GJB3: variants seen among roughly 807,000 people sequenced by gnomAD.
GJB3 encodes the protein gap junction protein beta 3, also known as gap junction beta-3 protein.
Under a neutral mutation model 8.1 loss-of-function variants are expected in GJB3, and 6 were observed. That is an observed-to-expected ratio of 0.75 (90% CI 0.41 to 1.47). The LOEUF is 1.47. Among genes scored for constraint, GJB3 ranks in the 40% most tolerant of loss-of-function variants. The pLI, the probability that GJB3 is intolerant of heterozygous loss-of-function variation, is 0.02. For missense variants in GJB3, 348 were observed against 365.6 expected, an observed-to-expected ratio of 0.95 and a Z score of 0.39; for synonymous variants, 137 against 156.4, an observed-to-expected ratio of 0.88 and a Z score of 0.93.
In GJB3 at chr1:34,785,221, G is replaced by A; in HGVS notation, c.459G>A (p.Trp153Ter). Residue 153 changes from tryptophan (W) to a stop codon, truncating the protein, a stop_gained, in exon 2 of 2, where the codon TGG becomes TGA. Coordinates refer to ENST00000373366, the MANE Select transcript of GJB3 (RefSeq NM_024009.3). LOFTEE classifies it low-confidence loss of function (END_TRUNC). The surrounding 1 kb of genome is among the most constrained non-coding windows in gnomAD (Gnocchi z 4.7). ...TCCTCTACCTGCTGCACACTCTCTG[G>A]CATGGCTTCAATATGCCGCGCCTGG... is the stretch of plus-strand genomic sequence containing the variant. ...FLFLYLLHTL[W>*]HGFNMPRLVQ... 1.2e-6 allele frequency: 2 copies of A among 1,614,058 alleles called. No individual in the cohort carries two copies. The highest frequency in any genetic ancestry group is 1.7e-6 in the Non-Finnish European group (2 of 1,180,014).
At chr1:34,782,004 C>T (rs1396823234) in intron 1 of GJB3, among the ~76,000 whole-genome samples, 2 of 152,186 alleles carry the variant, frequency 1.3e-5, no homozygotes, top group Non-Finnish European at 2.9e-5. Context: ...TTCCGAGACA[C>T]CCCCTCCCCA....
chr1:34,784,065 T>C (rs1640058039), intron 1 of GJB3, among the ~76,000 whole-genome samples: 1 of 152,172 alleles, frequency 6.6e-6, no homozygotes, highest in South Asian at 2.1e-4. Context: ...TTATTTCTCC[T>C]CTCTGAGCCT....
In GJB3 at chr1:34,784,919, T is replaced by C. The variant is rs1381331126; in HGVS notation, c.157T>C (p.Cys53Arg). ...GGGGGATGAGCAGAAGGACTTTGAC[T>C]GCAACACCAAGCAGCCCGGCTGCAC... ...VWGDEQKDFD[C>R]NTKQPGCTNV... The change falls in exon 2 of 2, where the codon TGC (cysteine) becomes CGC (arginine). Residue 53 changes from cysteine to arginine, a missense_variant. Cys to Arg is a radical substitution (Grantham distance 180). Coordinates refer to ENST00000373366, the MANE Select transcript of GJB3 (RefSeq NM_024009.3). 1.9e-6 allele frequency: 3 copies of C among 1,614,144 alleles called. No individual in the cohort carries two copies. Among genetic ancestry groups the C allele is most frequent in the South Asian group, 1.1e-5 (1 of 91,088 alleles).
Position 34,785,242 on chromosome 1 carries a change from C to T in GJB3, c.480C>T (p.Arg160=), listed in dbSNP as rs529118269. 8 of 1,614,106 alleles carry T rather than the reference C, an allele frequency of 5.0e-6. No homozygotes were observed. The South Asian group carries it at 8.8e-5, about 18-fold the overall frequency. The change falls in exon 2 of 2, where the codon CGC becomes CGT. Residue 160 remains arginine (R), a synonymous_variant. Coordinates refer to ENST00000373366, the MANE Select transcript of GJB3 (RefSeq NM_024009.3). The surrounding 1 kb of genome is among the most constrained non-coding windows in gnomAD (Gnocchi z 4.7). Reference sequence around the variant, plus strand: ...TCTGGCATGGCTTCAATATGCCGCGCCTGGTGCAGTGTGCCAACGTGGCCC... The same window carrying T: ...TCTGGCATGGCTTCAATATGCCGCGTCTGGTGCAGTGTGCCAACGTGGCCC... ...HTLWHGFNMP[R]LVQCANVAPC...
In GJB3 at chr1:34,785,825, C is replaced by T. The variant is rs116770182; in HGVS notation, c.*250C>T. On this transcript the variant is annotated 3_prime_UTR_variant, in exon 2 of 2. Coordinates refer to ENST00000373366, the MANE Select transcript of GJB3 (RefSeq NM_024009.3). The surrounding 1 kb of genome is among the most constrained non-coding windows in gnomAD (Gnocchi z 4.7). ...ACAAGCGAATTAACTATCTACGCTG[C>T]CTGCAAGGGGCCACTTAGGGCACTG... 3.5e-6 allele frequency: 2 copies of T among 564,864 alleles called. No homozygotes were observed. The highest frequency in any genetic ancestry group is 6.5e-6 in the Non-Finnish European group (2 of 306,472). 35.0% of individuals were successfully genotyped at this position (564,864 alleles called of 1,614,324 possible). A position where few individuals can be genotyped will look rare whatever the true frequency, so the allele number is the denominator to read the frequency against.
At chr1:34,782,410 A>G (rs913513483) in intron 1 of GJB3, 2 of 152,152 alleles carry the variant, frequency 1.3e-5, no homozygotes, top group African/African-American at 4.8e-5. Context: ...CAGGGCTCCA[A>G]CCTTCACTTC....
In GJB3 at chr1:34,781,894, G is replaced by C. The variant is rs1640016366; in HGVS notation, c.-26+116G>C. Reference sequence around the variant, plus strand: ...GAGCCTGCCAGTGCGCTGGGATGGGGCGCGAAGCGGGGGTGCGGGGAGCCC... The same window carrying C: ...GAGCCTGCCAGTGCGCTGGGATGGGCCGCGAAGCGGGGGTGCGGGGAGCCC... On this transcript the variant is annotated intron_variant, in intron 1 of 1. Coordinates refer to ENST00000373366, the MANE Select transcript of GJB3 (RefSeq NM_024009.3). The surrounding 1 kb of genome is among the most constrained non-coding windows in gnomAD (Gnocchi z 6.2). The C allele has an allele frequency of 6.6e-6, 1 of 152,276 alleles. No homozygotes were observed. The highest frequency in any genetic ancestry group is 1.5e-5 in the Non-Finnish European group (1 of 68,112). The allele number at this position is 152,276 out of a possible 1,614,324, so 9.4% of individuals were successfully genotyped here.
Position 34,785,347 on chromosome 1 carries a change from C to T in GJB3, c.585C>T (p.Ser195=), listed in dbSNP as rs567971388. 4 of 1,613,868 alleles carry T rather than the reference C, an allele frequency of 2.5e-6. No homozygotes were observed. The African/African-American group carries it at 5.3e-5, about 22-fold the overall frequency. ...TCACCTACTTCATGGTGGGCGCCTC[C>T]GCCGTCTGCATCGTACTCACCATCT... ...KIFTYFMVGA[S]AVCIVLTICE... Residue 195 remains serine, a synonymous_variant, in exon 2 of 2, where the codon TCC becomes TCT. Coordinates refer to ENST00000373366, the MANE Select transcript of GJB3 (RefSeq NM_024009.3). The surrounding 1 kb of genome is among the most constrained non-coding windows in gnomAD (Gnocchi z 4.7).
chr1:34,783,120 C>T (rs1483884502), intron 1 of GJB3, among the ~76,000 whole-genome samples: 2 of 152,094 alleles, frequency 1.3e-5, no homozygotes, highest in Admixed American at 6.5e-5. Context: ...TAGTGGTGTG[C>T]ACCTGTGGTC....
rs546531284 is a variant in GJB3 at position 34,784,870 on chromosome 1, C to T, written c.108C>T (p.Tyr36=). ...SVVFVFRVLV[Y]VVAAERVWGD... ...TGTTCGTCTTCCGGGTGCTGGTATA[C>T]GTGGTGGCTGCAGAGCGCGTGTGGG... The change falls in exon 2 of 2, where the codon TAC becomes TAT. Residue 36 remains tyrosine (Y), a synonymous_variant. Transcript: ENST00000373366. 8 of 1,614,174 alleles carry T rather than the reference C, an allele frequency of 5.0e-6. No individual in the cohort carries two copies. Among genetic ancestry groups the T allele is most frequent in the African/African-American group, 1.3e-5 (1 of 75,036 alleles).
Position 34,785,747 on chromosome 1 carries a change from G to A in GJB3, c.*172G>A, listed in dbSNP as rs1640104946. On this transcript the variant is annotated 3_prime_UTR_variant, in exon 2 of 2. Transcript: ENST00000373366. This position sits in a 1 kb window ranked among gnomAD's most constrained non-coding sequence, Gnocchi z 4.7. Reference sequence around the variant, plus strand: ...ACTGGGAACTGGGCTGTCTAGCCGGGTATAGGTAACCCACAGGCCCAGTGC... The same window carrying A: ...ACTGGGAACTGGGCTGTCTAGCCGGATATAGGTAACCCACAGGCCCAGTGC... The A allele has an allele frequency of 1.6e-6, 1 of 630,364 alleles. No individual in the cohort carries two copies. Among genetic ancestry groups the A allele is most frequent in the Non-Finnish European group, 2.9e-6 (1 of 346,240 alleles). The allele number at this position is 630,364 out of a possible 1,614,324, so 39.0% of individuals were successfully genotyped here.
In GJB3 at chr1:34,785,323, C is replaced by A; in HGVS notation, c.561C>A (p.Phe187Leu). 10 of 1,613,948 alleles carry A rather than the reference C, an allele frequency of 6.2e-6. No individual in the cohort carries two copies. Among genetic ancestry groups the A allele is most frequent in the Non-Finnish European group, 7.6e-6 (9 of 1,180,016 alleles). The change falls in exon 2 of 2, where the codon TTC becomes TTA. Residue 187 changes from phenylalanine to leucine, a missense_variant. Transcript: ENST00000373366. This position sits in a 1 kb window ranked among gnomAD's most constrained non-coding sequence, Gnocchi z 4.7. The part of the protein sequence containing the change: ...YIARPTEKKI[F>L]TYFMVGASAV... ...CCCGACCTACCGAGAAGAAAATCTTCACCTACTTCATGGTGGGCGCCTCCG... is the reference window on the plus strand; with the variant it reads ...CCCGACCTACCGAGAAGAAAATCTTAACCTACTTCATGGTGGGCGCCTCCG...
Position 34,785,696 on chromosome 1 carries a change from T to A in GJB3, c.*121T>A. ...CTCTGAGTTCACTAAGTTATGCAACTTTCGTTTTGGCAGATATTTTTTGAC... is the reference window on the plus strand; with the variant it reads ...CTCTGAGTTCACTAAGTTATGCAACATTCGTTTTGGCAGATATTTTTTGAC... On this transcript the variant is annotated 3_prime_UTR_variant, in exon 2 of 2. Coordinates refer to ENST00000373366, the MANE Select transcript of GJB3 (RefSeq NM_024009.3). The surrounding 1 kb of genome is among the most constrained non-coding windows in gnomAD (Gnocchi z 4.7). 1 of 805,588 alleles carries A rather than the reference T, an allele frequency of 1.2e-6. No homozygotes were observed. The highest frequency in any genetic ancestry group is 2.0e-6 in the Non-Finnish European group (1 of 493,720). 49.9% of individuals were successfully genotyped at this position (805,588 alleles called of 1,614,324 possible).
Position 34,785,068 on chromosome 1 carries a change from GC to G in GJB3, c.307del (p.Arg103AlafsTer165), listed in dbSNP as rs1557659581. On this transcript the variant is annotated frameshift_variant, in exon 2 of 2. Transcript: ENST00000373366. LOFTEE classifies it high-confidence loss of function. The surrounding 1 kb of genome is among the most constrained non-coding windows in gnomAD (Gnocchi z 4.7). Reference protein sequence around the residue: ...LHVAYREERERRHRQKHGDQC... With the variant: ...LHVAYREEREXRHRQKHGDQC... Reference sequence around the variant, plus strand: ...ACGTGGCCTACCGTGAGGAGCGGGAGCGCCGGCACCGCCAGAAACACGGGGA... The same window carrying G: ...ACGTGGCCTACCGTGAGGAGCGGGAGGCCGGCACCGCCAGAAACACGGGGA... The G allele has an allele frequency of 6.2e-7, 1 of 1,614,124 alleles. No individual in the cohort carries two copies. Among genetic ancestry groups the G allele is most frequent in the South Asian group, 1.1e-5 (1 of 91,086 alleles).
In GJB3 at chr1:34,784,778, C is replaced by T. The variant is rs368003170; in HGVS notation, c.16C>T (p.Leu6Phe). Residue 6 changes from leucine (L) to phenylalanine (F), a missense_variant, in exon 2 of 2, where the codon CTC becomes TTC. Coordinates refer to ENST00000373366, the MANE Select transcript of GJB3 (RefSeq NM_024009.3). Reference protein sequence around the residue: MDWKTLQALLSGVNKY... With the variant: MDWKTFQALLSGVNKY... Reference sequence around the variant, plus strand: ...ACCAGGCGCCATGGACTGGAAGACACTCCAGGCCCTACTGAGCGGTGTGAA... The same window carrying T: ...ACCAGGCGCCATGGACTGGAAGACATTCCAGGCCCTACTGAGCGGTGTGAA... 13 of 1,614,150 alleles carry T rather than the reference C, an allele frequency of 8.1e-6. No homozygotes were observed. Among genetic ancestry groups the T allele is most frequent in the Admixed American group, 3.3e-5 (2 of 60,020 alleles).
intron 1 of GJB3, among the ~76,000 whole-genome samples, chr1:34,782,622 C>T (rs1036649410): frequency 6.6e-6 from 1 of 152,146 alleles, no homozygotes; most frequent in Non-Finnish European, 1.5e-5. Context: ...TGCTATCCCA[C>T]TCCCTTCCCC....
rs529658360 is a variant in GJB3, at chr1:34,781,464, C to G, written c.-340C>G. On this transcript the variant is annotated 5_prime_UTR_variant, in exon 1 of 2. Coordinates refer to ENST00000373366, the MANE Select transcript of GJB3 (RefSeq NM_024009.3). This position sits in a 1 kb window ranked among gnomAD's most constrained non-coding sequence, Gnocchi z 6.2. ...TCGGACCTGCCGCCGCGGCACTTAACAGTTTGCAGAGTGCTTCCCGCCCCT... is the reference window on the plus strand; with the variant it reads ...TCGGACCTGCCGCCGCGGCACTTAAGAGTTTGCAGAGTGCTTCCCGCCCCT... 2 of 152,426 alleles carry G rather than the reference C, an allele frequency of 1.3e-5. No individual in the cohort carries two copies. Among genetic ancestry groups the G allele is most frequent in the South Asian group, 4.1e-4 (2 of 4,832 alleles). The allele number at this position is 152,426 out of a possible 1,614,324, so 9.4% of individuals were successfully genotyped here.
chr1:34,784,661 C>T (rs1640068644), intron 1 of GJB3, 77 bp from the exon 2 acceptor site: 2 of 946,264 alleles, frequency 2.1e-6, no homozygotes, highest in Non-Finnish European at 3.4e-6. Context: ...GAACTCAGAA[C>T]ACTGCCTGGT....
At position 34,785,548 on chromosome 1, in the gene GJB3, T is replaced by C. The variant is rs1445916135; in HGVS notation, c.786T>C (p.Ala262=). The C allele has an allele frequency of 1.2e-6, 2 of 1,614,050 alleles. No homozygotes were observed. Among genetic ancestry groups the C allele is most frequent in the Non-Finnish European group, 1.7e-6 (2 of 1,179,986 alleles). ...DPDPGNNKLQ[A]SAPNLTPI ...ACCCAGGCAATAACAAGCTGCAGGC[T>C]TCAGCACCCAACCTGACCCCCATCT... The change falls in exon 2 of 2, where the codon GCT becomes GCC. Residue 262 remains alanine, a synonymous_variant. Coordinates refer to ENST00000373366, the MANE Select transcript of GJB3 (RefSeq NM_024009.3). The surrounding 1 kb of genome is among the most constrained non-coding windows in gnomAD (Gnocchi z 4.7).
Sources: allele counts gnomAD v4.1 joint callset (sites outside exome capture counted in the v4.1 genomes callset), GRCh38; gene constraint gnomAD v4.1.1; non-coding constraint Gnocchi (gnomAD v3.1); transcripts MANE v1.5; gene names NCBI Gene and HGNC (gene_info 2026-07-23, HGNC 2026-07-21).